Variants in RCL1 observed in about 807,000 individuals in gnomAD.
RCL1 encodes RNA terminal phosphate cyclase like 1.
Under a neutral mutation model 42.4 loss-of-function variants are expected in RCL1, and 24 were observed. That is an observed-to-expected ratio of 0.57 (90% confidence interval 0.41 to 0.80). RCL1 has a LOEUF of 0.80. Among genes scored for constraint, RCL1 ranks in the 30% least tolerant of loss-of-function variants. RCL1 has a pLI of 0.00. For synonymous variants in RCL1, 228 were observed against 177.3 expected (o/e 1.29, Z -2.27); for missense variants, 578 against 467.9 (o/e 1.24, Z -2.17).
At chr9:4,823,657 A>G in intron 2 of RCL1, 38 bp downstream of exon 2, 2 of 1,375,708 alleles carry the variant, frequency 1.5e-6, no homozygotes, top group Non-Finnish European at 1.0e-6. Flanking sequence ...ACCTCCATGC[A>G]CTAAAGCATT....
intron 1 of RCL1, among the ~76,000 whole-genome samples, chr9:4,820,063 C>T (rs1193466666): frequency 6.6e-6 from 1 of 152,210 alleles, no homozygotes; most frequent in Non-Finnish European, 1.5e-5. Context: ...TAGCCACTAT[C>T]CTCACCATTA....
At chr9:4,822,045 C>T (rs1349358958) in intron 1 of RCL1, among the ~76,000 whole-genome samples, 2 of 152,228 alleles carry the variant, frequency 1.3e-5, no homozygotes, top group African/African-American at 4.8e-5. Context: ...AGTAAGCATG[C>T]AACACACAGC....
intron 8 of RCL1, among the ~76,000 whole-genome samples, chr9:4,859,793 A>C (rs1255067497): frequency 6.6e-6 from 1 of 152,128 alleles, no homozygotes. Flanking sequence ...GTGAGACCCC[A>C]TCTCTTATAA....
intron 1 of RCL1, among the ~76,000 whole-genome samples, chr9:4,821,015 C>G (rs1207717492): frequency 6.6e-6 from 1 of 152,018 alleles, no homozygotes; most frequent in African/African-American, 2.4e-5. Context: ...ACTATAAGAT[C>G]CTTCAAGAGA....
At chr9:4,832,103 A>G (rs1260408356) in intron 3 of RCL1, among the ~76,000 whole-genome samples, 1 of 152,236 alleles carries the variant, frequency 6.6e-6, no homozygotes, top group Admixed American at 6.5e-5. Context: ...TCGTTAGATA[A>G]CAGTACCTGA....
intron 1 of RCL1, among the ~76,000 whole-genome samples, chr9:4,798,400 C>G (rs1456483752): frequency 1.3e-5 from 2 of 152,214 alleles, no homozygotes; most frequent in Non-Finnish European, 2.9e-5. Context: ...TGCTACTACC[C>G]AGGATCCTGA....
At chr9:4,812,007 T>C (rs1422725263) in intron 1 of RCL1, among the ~76,000 whole-genome samples, 1 of 152,226 alleles carries the variant, frequency 6.6e-6, no homozygotes, top group African/African-American at 2.4e-5. Flanking sequence ...TTGAGGGATG[T>C]CTATTCAGCT....
chr9:4,811,750 A>G (rs771726608), intron 1 of RCL1, among the ~76,000 whole-genome samples: 1 of 152,066 alleles, frequency 6.6e-6, no homozygotes, highest in South Asian at 2.1e-4. Flanking sequence ...TGGTAGTTCA[A>G]TTTTAGTTTT....
intron 1 of RCL1, among the ~76,000 whole-genome samples, chr9:4,808,765 G>A (rs1187627608): frequency 6.6e-6 from 1 of 152,212 alleles, no homozygotes; most frequent in African/African-American, 2.4e-5. Flanking sequence ...GCCCTTGATT[G>A]TGAAAATTAT....
intron 1 of RCL1, among the ~76,000 whole-genome samples, chr9:4,821,765 C>G (rs2130996932): frequency 6.6e-6 from 1 of 152,336 alleles, no homozygotes; most frequent in African/African-American, 2.4e-5. Flanking sequence ...CAGATACACA[C>G]CATGGCACCC....
intron 8 of RCL1, among the ~76,000 whole-genome samples, chr9:4,849,837 C>G (rs192568859): frequency 6.6e-6 from 1 of 152,076 alleles, no homozygotes; most frequent in African/African-American, 2.4e-5. Context: ...AGGTAAACTC[C>G]TGGTTTGGTG....
At chr9:4,799,102 C>A (rs1247139864) in intron 1 of RCL1, among the ~76,000 whole-genome samples, 1 of 122,118 alleles carries the variant, frequency 8.2e-6, no homozygotes, top group Non-Finnish European at 1.6e-5. Flanking sequence ...CCTTCCTCTC[C>A]TTCCTCTTTT....
intron 1 of RCL1, 77 bp downstream of exon 1, chr9:4,793,304 C>T (rs540920384): frequency 2.1e-6 from 3 of 1,449,072 alleles, no homozygotes; most frequent in African/African-American, 3.0e-5. Flanking sequence ...GGGGCCCGCG[C>T]GGTGTTGGTT....
In RCL1 at chr9:4,817,645, C is replaced by T. The variant is rs116047584; in HGVS notation, c.137-5903C>T. Among the ~76,000 whole-genome samples, 950 of 151,536 alleles carry T rather than the reference C, an allele frequency of 6.3e-3. 5 individuals are homozygous for T. The highest frequency in any genetic ancestry group is 0.019 in the African/African-American group (776 of 41,334). On this transcript the variant is annotated intron_variant, in intron 1 of 8. Coordinates refer to ENST00000381750, the MANE Select transcript of RCL1 (RefSeq NM_005772.5). ...AGCTGGGACTGGGGCTACTGGTGTG[C>T]GCCACCATGCCTGGCTAATTTTTGT...
intron 1 of RCL1, among the ~76,000 whole-genome samples, chr9:4,806,177 C>G (rs1482277789): frequency 6.6e-6 from 1 of 151,644 alleles, no homozygotes; most frequent in Non-Finnish European, 1.5e-5. Flanking sequence ...GTCATGTTGT[C>G]TACAAATAGT....
At chr9:4,844,162 A>G (rs1379225010) in intron 6 of RCL1, among the ~76,000 whole-genome samples, 1 of 152,152 alleles carries the variant, frequency 6.6e-6, no homozygotes, top group Non-Finnish European at 1.5e-5. Flanking sequence ...CATAGAAAGT[A>G]TTGTGTGAGC....
intron 5 of RCL1, 56 bp downstream of exon 5, chr9:4,834,321 G>T: frequency 1.9e-6 from 3 of 1,555,320 alleles, no homozygotes; most frequent in Non-Finnish European, 2.6e-6. Context: ...GCCTCACTAA[G>T]ATAAGAATGA....
chr9:4,840,758 A>G (rs1291220123), intron 5 of RCL1, among the ~76,000 whole-genome samples: 3 of 152,192 alleles, frequency 2.0e-5, no homozygotes, highest in African/African-American at 7.2e-5. Flanking sequence ...ACCAGGAGTC[A>G]GATTGGGATC....
intron 8 of RCL1, among the ~76,000 whole-genome samples, chr9:4,850,004 T>C (rs1352621739): frequency 6.6e-6 from 1 of 152,146 alleles, no homozygotes; most frequent in Non-Finnish European, 1.5e-5. Context: ...ACTGGACTAG[T>C]AGGGAATTGT....
Sources: allele counts gnomAD v4.1 joint callset (sites outside exome capture counted in the v4.1 genomes callset), GRCh38; gene constraint gnomAD v4.1.1; transcripts MANE v1.5; gene names NCBI Gene and HGNC (gene_info 2026-07-23, HGNC 2026-07-21).